TRAF2: variants seen among roughly 807,000 people sequenced by gnomAD.
TRAF2 encodes TNF receptor-associated factor 2.
Under a neutral mutation model 55.6 loss-of-function variants are expected in TRAF2, and 6 were observed. The observed-to-expected ratio is 0.11, with a 90% CI of 0.06 to 0.21. The LOEUF is 0.21. TRAF2 is among the 10% of genes least tolerant of loss of function. The probability of loss-of-function intolerance (pLI) is 1.00; values close to 1 mark genes in which losing one functional copy is unlikely to be tolerated. For synonymous variants in TRAF2, 329 were observed against 276.3 expected (o/e 1.19, Z -1.89); for missense variants, 561 against 684.5 (o/e 0.82, Z 2.01).
chr9:136,924,899 C>A (rs567177037), intron 10 of TRAF2, among the ~76,000 whole-genome samples: 1 of 152,050 alleles, frequency 6.6e-6, no homozygotes, highest in African/African-American at 2.4e-5. Context: ...CCACCACGCC[C>A]AGCTAATTTT....
chr9:136,923,712 A>G (rs997378332), intron 9 of TRAF2, 140 bp from the exon 10 acceptor site: 1 of 692,264 alleles, frequency 1.4e-6, no homozygotes, highest in Middle Eastern at 4.3e-4. Flanking sequence ...TTGAGGGAAA[A>G]AAAACTTTTC....
intron 7 of TRAF2, among the ~76,000 whole-genome samples, chr9:136,919,295 CTTT>C (rs34390498): frequency 1.1e-4 from 10 of 90,210 alleles, no homozygotes; most frequent in South Asian, 9.3e-4. Context: ...TTGTGGGTGG[CTTT>C]TTTTTTTTTT....
intron 6 of TRAF2, among the ~76,000 whole-genome samples, chr9:136,911,545 G>A (rs1225074457): frequency 6.6e-6 from 1 of 152,090 alleles, no homozygotes; most frequent in Non-Finnish European, 1.5e-5. Context: ...GATTACAGGC[G>A]TGAGCCACTG....
intron 1 of TRAF2, among the ~76,000 whole-genome samples, chr9:136,894,073 G>A (rs2131281337): frequency 8.8e-6 from 1 of 114,164 alleles, no homozygotes; most frequent in South Asian, 2.9e-4. Context: ...TTGAAATGGA[G>A]TCTTGCCTCA....
chr9:136,893,787 A>G (rs566353155), intron 1 of TRAF2, among the ~76,000 whole-genome samples: 7 of 152,164 alleles, frequency 4.6e-5, no homozygotes, highest in Admixed American at 1.3e-4. Context: ...TCTCACTGCA[A>G]TGCGCAGGCT....
intron 1 of TRAF2, among the ~76,000 whole-genome samples, chr9:136,896,321 A>G (rs912411157): frequency 6.6e-6 from 1 of 152,230 alleles, no homozygotes; most frequent in Non-Finnish European, 1.5e-5. Context: ...GGGGAGCGCA[A>G]GAAGGCACTG....
At chr9:136,916,921 C>G (rs187673252) in intron 7 of TRAF2, among the ~76,000 whole-genome samples, 7 of 152,226 alleles carry the variant, frequency 4.6e-5, no homozygotes, top group Non-Finnish European at 8.8e-5. Context: ...TCAGATGTAC[C>G]CGGCCGGCTC....
intron 5 of TRAF2, among the ~76,000 whole-genome samples, 187 bp downstream of exon 5, chr9:136,908,418 G>A (rs1362109609): frequency 6.6e-6 from 1 of 152,228 alleles, no homozygotes; most frequent in African/African-American, 2.4e-5. Context: ...TTAATGCCGA[G>A]GCCTTTCAAA....
chr9:136,921,339 C>A, intron 9 of TRAF2, 124 bp downstream of exon 9: 2 of 1,244,558 alleles, frequency 1.6e-6, no homozygotes, highest in East Asian at 2.5e-5. Context: ...CCAGTGATAC[C>A]GGGAGCAGCT....
intron 1 of TRAF2, among the ~76,000 whole-genome samples, chr9:136,888,983 A>G (rs559989538): frequency 4.6e-5 from 7 of 152,056 alleles, no homozygotes; most frequent in Admixed American, 4.6e-4. Context: ...CTTCTGCCTC[A>G]GCCTCCCGAG....
At chr9:136,891,161 T>C (rs185347470) in intron 1 of TRAF2, among the ~76,000 whole-genome samples, 15 of 152,298 alleles carry the variant, frequency 9.8e-5, no homozygotes, top group Admixed American at 9.2e-4. Flanking sequence ...CAGGCTGGAG[T>C]GCAGTGGCAT....
intron 2 of TRAF2, 72 bp from the exon 3 acceptor site, chr9:136,899,522 C>A: frequency 1.4e-6 from 2 of 1,461,230 alleles, no homozygotes; most frequent in Non-Finnish European, 1.9e-6. Context: ...GGTTTTTGAA[C>A]TGAAGCAAAT....
intron 10 of TRAF2, 71 bp downstream of exon 10, chr9:136,924,071 T>C (rs1308889979): frequency 6.4e-7 from 1 of 1,564,480 alleles, no homozygotes; most frequent in African/African-American, 1.3e-5. Context: ...GCTTCTGTGG[T>C]GCAGGGTTGT....
chr9:136,886,729 G>A (rs1043142260), intron 1 of TRAF2, 188 bp downstream of exon 1: 67 of 351,208 alleles, frequency 1.9e-4, no homozygotes, highest in Non-Finnish European at 2.4e-4. Context: ...GAGCCGCTGG[G>A]CCGGAAACCA....
chr9:136,904,780 G>GAATAGTTGCTTCATAAAAGCCAT (rs11272754), intron 4 of TRAF2, among the ~76,000 whole-genome samples: 118,359 of 151,806 alleles, frequency 0.78, 46,611 homozygotes, highest in African/African-American at 0.89. Context: ...TCATAAGCCA[G>GAATAGTTGCTTCATAAAAGCCAT]AATAGTTGCT....
At chr9:136,924,884 A>G (rs149768017) in intron 10 of TRAF2, among the ~76,000 whole-genome samples, 251 of 151,792 alleles carry the variant, frequency 1.7e-3, no homozygotes, top group African/African-American at 2.4e-3. Context: ...GACTACAGGC[A>G]TGCACCACCA....
At chr9:136,911,893 A>G (rs1314206677) in intron 6 of TRAF2, among the ~76,000 whole-genome samples, 1 of 111,188 alleles carries the variant, frequency 9.0e-6, no homozygotes, top group Non-Finnish European at 1.7e-5. Flanking sequence ...TCTGTCACCC[A>G]GGCTGGAGGG....
chr9:136,924,336 G>T (rs1330824446), intron 10 of TRAF2, among the ~76,000 whole-genome samples: 1 of 152,020 alleles, frequency 6.6e-6, no homozygotes, highest in Non-Finnish European at 1.5e-5. Flanking sequence ...GAGGTGGGAG[G>T]ATTGCTTGAA....
chr9:136,921,408 G>A (rs1408121453), intron 9 of TRAF2, among the ~76,000 whole-genome samples, 193 bp downstream of exon 9: 7 of 152,074 alleles, frequency 4.6e-5, no homozygotes, highest in Admixed American at 6.5e-5. Context: ...GGGTGCCCTC[G>A]GGCAGGGGTC....
Sources: gnomAD v4.1 joint callset for allele counts (sites outside exome capture counted in the v4.1 genomes callset) on GRCh38, gnomAD v4.1.1 for gene constraint, MANE v1.5 for transcripts, NCBI Gene and HGNC (gene_info 2026-07-23, HGNC 2026-07-21) for gene names.